LPAR3: variants seen among roughly 807,000 people sequenced by gnomAD.
The protein encoded by LPAR3 is LPA receptor 3.
LPAR3 carries 7 observed loss-of-function variants against 17.8 expected under a neutral mutation model. The ratio of observed to expected loss-of-function variants is 0.39; its 90% CI spans 0.22 to 0.74. The LOEUF (loss-of-function observed/expected upper bound fraction) is 0.74, where lower values mean the gene tolerates loss of function less well. Ranked by LOEUF, LPAR3 falls within the 30% of genes least tolerant of loss-of-function variation. The pLI, the probability that LPAR3 is intolerant of heterozygous loss-of-function variation, is 0.40. For missense variants in LPAR3, 391 were observed against 453.4 expected (o/e 0.86, Z 1.25); for synonymous variants, 179 against 179.9 (o/e 0.99, Z 0.04).
At chr1:84,829,381 C>T (rs1659238872) in intron 2 of LPAR3, among the ~76,000 whole-genome samples, 1 of 151,828 alleles carries the variant, frequency 6.6e-6, no homozygotes, top group Non-Finnish European at 1.5e-5. Context: ...CTACCAAATT[C>T]TCTGAGGGAC....
rs1036477089 is a variant in LPAR3, at chr1:84,811,817, T to C, written c.*2029A>G. ...CAATAGCAAAAAAATGTAAACTTCT[T>C]TTGCAAACTACATAAATACTATAAT... On this transcript the variant is annotated 3_prime_UTR_variant, in exon 3 of 3. Transcript: ENST00000370611. 3.3e-5 allele frequency: 5 copies of C among 152,172 alleles called. No homozygotes were observed. The highest frequency in any genetic ancestry group is 7.4e-5 in the Non-Finnish European group (5 of 68,018). The allele number at this position is 152,172 out of a possible 1,614,324, so 9.4% of individuals were successfully genotyped here.
At chr1:84,880,268 G>T (rs907059103) in intron 1 of LPAR3, among the ~76,000 whole-genome samples, 2 of 152,160 alleles carry the variant, frequency 1.3e-5, no homozygotes, top group African/African-American at 4.8e-5. Context: ...CAGAACATGA[G>T]CTTGTTTTGG....
At chr1:84,871,348 G>A (rs1370128459) in intron 1 of LPAR3, among the ~76,000 whole-genome samples, 3 of 152,172 alleles carry the variant, frequency 2.0e-5, no homozygotes, top group Admixed American at 2.0e-4. Flanking sequence ...AAAATGTCCA[G>A]CCAGCCCAGA....
chr1:84,864,543 CCT>C (rs1660003070), intron 2 of LPAR3, among the ~76,000 whole-genome samples: 2 of 152,152 alleles, frequency 1.3e-5, no homozygotes, highest in South Asian at 2.1e-4. Flanking sequence ...ATGTCACTCC[CCT>C]GTTTAAAACC....
At chr1:84,853,566 C>T (rs561380862) in intron 2 of LPAR3, among the ~76,000 whole-genome samples, 5 of 152,310 alleles carry the variant, frequency 3.3e-5, no homozygotes, top group East Asian at 1.9e-4. Flanking sequence ...CATAAGCTCA[C>T]GCCCCACTGG....
rs374440778 is a variant in LPAR3 at position 84,814,362 on chromosome 1, C to T, written c.737-191G>A. On this transcript the variant is annotated intron_variant, in intron 2 of 2. Transcript: ENST00000370611. ...TTGGTACAGGCAAATAGGTGGGAAC[C>T]TCCTTGACTATCAATCACATTTCAT... Among the ~76,000 whole-genome samples, 30 of 152,306 alleles carry T rather than the reference C, an allele frequency of 2.0e-4. 1 individual carries two copies. Among genetic ancestry groups the T allele is most frequent in the African/African-American group, 7.2e-4 (30 of 41,560 alleles).
chr1:84,845,167 C>G lies in LPAR3; in HGVS notation c.736+20218G>C, dbSNP rs78212257. Among the ~76,000 whole-genome samples the G allele has an allele frequency of 5.1e-3, 778 of 152,272 alleles. 8 individuals are homozygous for G. The highest frequency in any genetic ancestry group is 0.018 in the African/African-American group (741 of 41,540). ...GCTAAAAGTGCTTTTCCTTCTACTG[C>G]TTAGGGTTATTGGATGGCTAAATAA... On this transcript the variant is annotated intron_variant, in intron 2 of 2. Coordinates refer to ENST00000370611, the MANE Select transcript of LPAR3 (RefSeq NM_012152.3).
chr1:84,813,456 C>T lies in LPAR3; in HGVS notation c.*390G>A, dbSNP rs1407153007. ...TGCAGAAAGAACTACATAGACTCTC[C>T]AAGCAGCTATATAAGGTGGCTCAAG... On this transcript the variant is annotated 3_prime_UTR_variant, in exon 3 of 3. Transcript: ENST00000370611. 1.2e-5 allele frequency: 2 copies of T among 173,660 alleles called. No homozygotes were observed. The highest frequency in any genetic ancestry group is 4.7e-5 in the African/African-American group (2 of 42,238). The allele number at this position is 173,660 out of a possible 1,614,324, so 10.8% of individuals were successfully genotyped here. A position where few individuals can be genotyped will look rare whatever the true frequency, so the allele number is the denominator to read the frequency against.
At chr1:84,819,777 G>A (rs1045945858) in intron 2 of LPAR3, among the ~76,000 whole-genome samples, 22 of 152,150 alleles carry the variant, frequency 1.4e-4, no homozygotes, top group African/African-American at 4.3e-4. Flanking sequence ...TTGGCTCGCC[G>A]TGCCAGGAAT....
At chr1:84,826,352 G>C (rs1451863840) in intron 2 of LPAR3, among the ~76,000 whole-genome samples, 1 of 151,824 alleles carries the variant, frequency 6.6e-6, no homozygotes, top group East Asian at 1.9e-4. Flanking sequence ...AATACTCTGG[G>C]AATACTATAG....
intron 2 of LPAR3, among the ~76,000 whole-genome samples, chr1:84,847,991 G>GC: frequency 6.6e-6 from 1 of 152,280 alleles, no homozygotes; most frequent in Non-Finnish European, 1.5e-5. Context: ...CTGCAGTTTT[G>GC]CCCTGTCATC....
chr1:84,848,780 A>C (rs1659640053), intron 2 of LPAR3, among the ~76,000 whole-genome samples: 1 of 152,188 alleles, frequency 6.6e-6, no homozygotes, highest in Admixed American at 6.5e-5. Flanking sequence ...CAGTCCCAGC[A>C]GAAGGCACAG....
At chr1:84,833,796 A>C (rs1659339902) in intron 2 of LPAR3, among the ~76,000 whole-genome samples, 1 of 152,198 alleles carries the variant, frequency 6.6e-6, no homozygotes, top group Non-Finnish European at 1.5e-5. Flanking sequence ...ATGATACCTA[A>C]AGTGTCCAGA....
At chr1:84,857,230 C>T (rs1233153357) in intron 2 of LPAR3, among the ~76,000 whole-genome samples, 2 of 152,152 alleles carry the variant, frequency 1.3e-5, no homozygotes, top group Admixed American at 1.3e-4. Context: ...CAGGGCATGG[C>T]TCTTTAGAAT....
chr1:84,862,502 C>T (rs1363286118), intron 2 of LPAR3, among the ~76,000 whole-genome samples: 1 of 152,194 alleles, frequency 6.6e-6, no homozygotes, highest in African/African-American at 2.4e-5. Flanking sequence ...ATAGTAGCAC[C>T]TATCTCACAG....
rs769953448 is a variant in LPAR3 at position 84,813,126 on chromosome 1, A to AATATATATATATATATAT, written c.*702_*719dup. The AATATATATATATATATAT allele has an allele frequency of 6.4e-4, 46 of 71,588 alleles. No individual in the cohort carries two copies. The highest frequency in any genetic ancestry group is 7.8e-3 in the Middle Eastern group (1 of 128). 4.4% of individuals were successfully genotyped at this position (71,588 alleles called of 1,614,324 possible). ...ATCAATAAAAATCAGTAAAAACAGG[A>AATATATATATATATATAT]ATATATATATATATATATATATATA... is the stretch of plus-strand genomic sequence containing the variant. On this transcript the variant is annotated 3_prime_UTR_variant, in exon 3 of 3. Coordinates refer to ENST00000370611, the MANE Select transcript of LPAR3 (RefSeq NM_012152.3).
intron 1 of LPAR3, among the ~76,000 whole-genome samples, chr1:84,879,367 A>G (rs1341434061): frequency 7.4e-6 from 1 of 134,636 alleles, no homozygotes; most frequent in East Asian, 2.1e-4. Context: ...GCTGGAGGAC[A>G]GTGGCGCGAT....
chr1:84,877,391 C>A (rs1660279543), intron 1 of LPAR3, among the ~76,000 whole-genome samples: 1 of 152,172 alleles, frequency 6.6e-6, no homozygotes, highest in Non-Finnish European at 1.5e-5. Context: ...CTTAGTGGAA[C>A]TACTATCACG....
At chr1:84,866,395 C>T (rs1391449569) in intron 1 of LPAR3, among the ~76,000 whole-genome samples, 6 of 152,168 alleles carry the variant, frequency 3.9e-5, no homozygotes, top group African/African-American at 1.4e-4. Context: ...ATTTTGTTCA[C>T]CATTACAACC....
Sources: gnomAD v4.1 joint callset for allele counts (sites outside exome capture counted in the v4.1 genomes callset) on GRCh38, gnomAD v4.1.1 for gene constraint, MANE v1.5 for transcripts, NCBI Gene and HGNC (gene_info 2026-07-23, HGNC 2026-07-21) for gene names.